Variants in LRRIQ3 observed in about 807,000 individuals in gnomAD.
The protein encoded by LRRIQ3 is leucine-rich repeat and IQ domain-containing protein 3.
In LRRIQ3, 75 loss-of-function variants were observed where a neutral mutation model predicts 59.3. That is an observed-to-expected ratio of 1.26 (90% CI 1.05 to 1.53). The LOEUF (loss-of-function observed/expected upper bound fraction) is 1.53, where lower values mean the gene tolerates loss of function less well. Among genes scored for constraint, LRRIQ3 ranks in the 40% most tolerant of loss-of-function variants. The pLI, the probability that LRRIQ3 is intolerant of heterozygous loss-of-function variation, is 0.00. For synonymous variants in LRRIQ3, 250 were observed against 231.3 expected, an observed-to-expected ratio of 1.08 and a Z score of -0.73; for missense variants, 831 against 710.0, an observed-to-expected ratio of 1.17 and a Z score of -1.94.
chr1:74,141,764 A>G (rs982055471), intron 4 of LRRIQ3, among the ~76,000 whole-genome samples: 1 of 151,874 alleles, frequency 6.6e-6, no homozygotes, highest in Non-Finnish European at 1.5e-5. Flanking sequence ...AAACAATATT[A>G]TTTTGGTAAA....
intron 3 of LRRIQ3, among the ~76,000 whole-genome samples, chr1:74,166,552 C>T (rs1649002608): frequency 6.6e-6 from 1 of 151,642 alleles, no homozygotes; most frequent in South Asian, 2.1e-4. Context: ...AATATTCACT[C>T]CTTATCATTT....
intron 3 of LRRIQ3, among the ~76,000 whole-genome samples, chr1:74,164,949 C>T (rs945250811): frequency 6.6e-6 from 1 of 151,414 alleles, no homozygotes; most frequent in African/African-American, 2.4e-5. Context: ...TACATTTGTA[C>T]CTTTGCCAAA....
At chr1:74,102,374 C>T (rs1457005207) in intron 5 of LRRIQ3, among the ~76,000 whole-genome samples, 2 of 151,736 alleles carry the variant, frequency 1.3e-5, no homozygotes, top group African/African-American at 4.8e-5. Context: ...TATAAAAATG[C>T]CCAATGAAAC....
At chr1:74,060,188 TTTC>T (rs1322871460) in intron 6 of LRRIQ3, among the ~76,000 whole-genome samples, 1,142 of 111,544 alleles carry the variant, frequency 0.01, 17 homozygotes, top group African/African-American at 0.027. Context: ...TCTTCTTCTT[TTTC>T]TTCTTCTTCT....
chr1:74,091,649 T>C (rs1046442009), intron 5 of LRRIQ3, among the ~76,000 whole-genome samples: 1 of 152,054 alleles, frequency 6.6e-6, no homozygotes, highest in African/African-American at 2.4e-5. Flanking sequence ...ACAAGCTTAT[T>C]AGTAAAAAGT....
chr1:74,156,318 AC>A (rs1648326020), intron 3 of LRRIQ3, among the ~76,000 whole-genome samples: 1 of 152,066 alleles, frequency 6.6e-6, no homozygotes. Context: ...CTTCCTATAT[AC>A]CCTATAGAAA....
intron 1 of LRRIQ3, among the ~76,000 whole-genome samples, chr1:74,194,826 C>A (rs1036978298): frequency 6.6e-6 from 1 of 152,254 alleles, no homozygotes; most frequent in African/African-American, 2.4e-5. Context: ...GCCATTAATA[C>A]CTTTTTCTTA....
chr1:74,187,565 T>C lies in LRRIQ3; in HGVS notation c.1-3881A>G, dbSNP rs534759405. On this transcript the variant is annotated intron_variant, in intron 1 of 7. Transcript: ENST00000354431. ...ATGCAAAGGCCTAAGAATGATATAATGTACTTTGAGGACTCAAGGGTGAAG... is the reference window on the plus strand; with the variant it reads ...ATGCAAAGGCCTAAGAATGATATAACGTACTTTGAGGACTCAAGGGTGAAG... 1.2e-4 allele frequency among the ~76,000 whole-genome samples: 19 copies of C among 152,158 alleles called. No homozygotes were observed. In the East Asian group the frequency reaches 3.1e-3, roughly 25 times the overall value.
intron 7 of LRRIQ3, among the ~76,000 whole-genome samples, chr1:74,031,469 G>A (rs1653709869): frequency 6.6e-6 from 1 of 152,014 alleles, no homozygotes; most frequent in Admixed American, 6.6e-5. Context: ...GTAGGGACAT[G>A]GATGAAGCTG....
At chr1:74,118,355 TTCTAA>T (rs1646805827) in intron 4 of LRRIQ3, among the ~76,000 whole-genome samples, 1 of 152,184 alleles carries the variant, frequency 6.6e-6, no homozygotes, top group African/African-American at 2.4e-5. Context: ...TAACTTGCTT[TTCTAA>T]CTTAATACAT....
intron 6 of LRRIQ3, among the ~76,000 whole-genome samples, chr1:74,045,308 T>C (rs1436272213): frequency 2.6e-5 from 4 of 152,154 alleles, no homozygotes; most frequent in Admixed American, 6.5e-5. Flanking sequence ...TTGTTCAACA[T>C]ATGCAAATCA....
chr1:74,137,455 G>A (rs903176306), intron 4 of LRRIQ3, among the ~76,000 whole-genome samples: 8 of 152,098 alleles, frequency 5.3e-5, no homozygotes, highest in African/African-American at 1.4e-4. Context: ...AGATGCTGGT[G>A]AGGCTGTGGA....
Position 74,144,493 on chromosome 1 carries a change from G to A in LRRIQ3, c.707+11240C>T, listed in dbSNP as rs770270430. On this transcript the variant is annotated intron_variant, in intron 4 of 7. Transcript: ENST00000354431. ...AGAAAAAAAATGTTTTTTTTTTCTC[G>A]CTTTCTTGGACACATCTTCAAGCAA... The A allele has an allele frequency of 1.7e-4, 46 of 273,926 alleles. No homozygotes were observed. In the Middle Eastern group the frequency reaches 4.8e-3, roughly 28 times the overall value. 17.0% of individuals were successfully genotyped at this position (273,926 alleles called of 1,614,324 possible).
chr1:74,119,184 A>G (rs1007270490), intron 4 of LRRIQ3, among the ~76,000 whole-genome samples: 6 of 152,132 alleles, frequency 3.9e-5, no homozygotes, highest in Non-Finnish European at 1.5e-5. Context: ...CCAGCAATAT[A>G]ATTCCCTTTC....
In LRRIQ3 at chr1:74,047,017, T is replaced by TCAACCATTGTGGGAGACAGTGTG. The variant is rs1453026134; in HGVS notation, c.998-5107_998-5085dup. Among the ~76,000 whole-genome samples, 8 of 152,238 alleles carry TCAACCATTGTGGGAGACAGTGTG rather than the reference T, an allele frequency of 5.3e-5. 1 individual carries two copies. In the South Asian group the frequency reaches 1.2e-3, roughly 24 times the overall value. On this transcript the variant is annotated intron_variant, in intron 6 of 7. Transcript: ENST00000354431. ...ACTGTTGGTGGAAGTGTAAATTAGTTCAACCATTGTGGGAGACAGTGTGGC... is the reference window on the plus strand; with the variant it reads ...ACTGTTGGTGGAAGTGTAAATTAGTTCAACCATTGTGGGAGACAGTGTGCAACCATTGTGGGAGACAGTGTGGC...
intron 4 of LRRIQ3, among the ~76,000 whole-genome samples, chr1:74,154,092 T>C (rs1648154407): frequency 6.6e-6 from 1 of 151,466 alleles, no homozygotes; most frequent in African/African-American, 2.4e-5. Context: ...ATATAAAAAA[T>C]TAGCCGGGCG....
rs1227405951 is a variant in LRRIQ3 at position 74,051,426 on chromosome 1, T to C, written c.998-9493A>G. Among the ~76,000 whole-genome samples the C allele has an allele frequency of 3.3e-5, 5 of 152,174 alleles. No homozygotes were observed. In the East Asian group the frequency reaches 7.7e-4, roughly 23 times the overall value. On this transcript the variant is annotated intron_variant, in intron 6 of 7. Coordinates refer to ENST00000354431, the MANE Select transcript of LRRIQ3 (RefSeq NM_001105659.2). ...AAATAGCCATACCTATTGTTGACAT[T>C]TGGCATGCTTTAAAAGTTCCTACAT...
intron 4 of LRRIQ3, among the ~76,000 whole-genome samples, chr1:74,151,732 T>C (rs1245648681): frequency 1.3e-5 from 2 of 151,878 alleles, no homozygotes; most frequent in African/African-American, 4.8e-5. Flanking sequence ...AAGCCCAAAG[T>C]GAGGAGAATT....
At chr1:74,092,454 G>A (rs900963057) in intron 5 of LRRIQ3, among the ~76,000 whole-genome samples, 1 of 152,042 alleles carries the variant, frequency 6.6e-6, no homozygotes, top group Non-Finnish European at 1.5e-5. Flanking sequence ...TGGGTGACCA[G>A]TGATAAGGAC....
Sources: gnomAD v4.1 joint callset for allele counts (sites outside exome capture counted in the v4.1 genomes callset) on GRCh38, gnomAD v4.1.1 for gene constraint, MANE v1.5 for transcripts, NCBI Gene and HGNC (gene_info 2026-07-23, HGNC 2026-07-21) for gene names.